Variants in FAP observed in about 807,000 individuals in gnomAD.
FAP encodes fibroblast activation protein alpha, also known as prolyl endopeptidase FAP.
A neutral mutation model predicts 126.5 loss-of-function variants in FAP; 110 were observed. The observed-to-expected ratio is 0.87, with a 90% confidence interval of 0.74 to 1.02. The LOEUF (loss-of-function observed/expected upper bound fraction) is 1.02. Ranked by LOEUF, FAP falls within the 50% of genes least tolerant of loss-of-function variation. The pLI is 0.00. For missense variants in FAP, 919 were observed against 909.2 expected, an observed-to-expected ratio of 1.01 and a Z score of -0.14; for synonymous variants, 334 against 297.3, an observed-to-expected ratio of 1.12 and a Z score of -1.27.
intron 2 of FAP, among the ~76,000 whole-genome samples, chr2:162,241,460 G>A (rs3788967): frequency 0.051 from 7,749 of 152,148 alleles, 550 homozygotes; most frequent in Admixed American, 0.22. Context: ...AGAAATTATA[G>A]CTTGAATTCC....
chr2:162,195,467 C>G (rs900132503), intron 16 of FAP, among the ~76,000 whole-genome samples: 58 of 151,914 alleles, frequency 3.8e-4, no homozygotes, highest in South Asian at 1.9e-3. Context: ...GCTTTACCCC[C>G]CTAGCATTGG....
Position 162,189,701 on chromosome 2 carries a change from G to C in FAP, c.1504C>G (p.Gln502Glu), listed in dbSNP as rs762712988. The change falls in exon 18 of 26, where the codon CAG (glutamine) becomes GAG (glutamate). Residue 502 changes from glutamine (Q) to glutamate (E), a missense_variant. Transcript: ENST00000188790. ...TTCTTAATTTCCTCTTTAGGCAGCT[G>C]GATATTTTTCAAAGCATTTTCCAAT... ...KELENALKNIQLPKEEIKKLE... is the reference protein window; with the variant it reads ...KELENALKNIELPKEEIKKLE... 1.3e-6 allele frequency: 2 copies of C among 1,592,090 alleles called. No homozygotes were observed. Among genetic ancestry groups the C allele is most frequent in the Admixed American group, 1.7e-5 (1 of 58,124 alleles).
rs1559790899 is a variant in FAP, at chr2:162,225,585, C to A, written c.191-8G>T. 3.8e-6 allele frequency: 6 copies of A among 1,576,886 alleles called. No individual in the cohort carries two copies. Among genetic ancestry groups the A allele is most frequent in the Non-Finnish European group, 4.3e-6 (5 of 1,164,336 alleles). ...GATGAAGATATTCTTGTCCTTTAAA[C>A]AAGAAAGAAAACAAAATGTAAATGA... is the stretch of plus-strand genomic sequence containing the variant. On this transcript the variant is annotated splice_region_variant and splice_polypyrimidine_tract_variant and intron_variant, in intron 3 of 25. Coordinates refer to ENST00000188790, the MANE Select transcript of FAP (RefSeq NM_004460.5).
chr2:162,242,770 G>A (rs1690403065), intron 2 of FAP, 138 bp downstream of exon 2: 3 of 650,506 alleles, frequency 4.6e-6, no homozygotes, highest in Admixed American at 5.5e-5. Context: ...ATATCTGTGA[G>A]CTTATATGTC....
At chr2:162,197,597 T>A (rs1688302457) in intron 16 of FAP, 1 of 456,526 alleles carries the variant, frequency 2.2e-6, no homozygotes, top group Non-Finnish European at 4.4e-6. Flanking sequence ...AAGGGAGAAT[T>A]TGGGTTAAAA....
rs769699562 is a variant in FAP, at chr2:162,198,803, T to C, written c.1356A>G (p.Thr452=). ...HLRKERCQYY[T]ASFSDYAKYY... is the part of the protein sequence containing the mutation. ...ACTTGGCGTAGTCGCTGAAACTTGC[T>C]GTGTAATATTGGCACCTTTCTTTCC... The change falls in exon 16 of 26, where the codon ACA becomes ACG. Residue 452 remains threonine (T), a synonymous_variant. Coordinates refer to ENST00000188790, the MANE Select transcript of FAP (RefSeq NM_004460.5). 8.7e-6 allele frequency: 14 copies of C among 1,614,160 alleles called. No individual in the cohort carries two copies. The Admixed American group carries it at 2.3e-4, about 27-fold the overall frequency.
chr2:162,196,906 G>A (rs1688275760), intron 16 of FAP, among the ~76,000 whole-genome samples: 1 of 152,144 alleles, frequency 6.6e-6, no homozygotes, highest in Admixed American at 6.6e-5. Context: ...AGTGAGTGGT[G>A]GAAAAGTCAG....
At chr2:162,235,138 C>A (rs986813859) in intron 2 of FAP, among the ~76,000 whole-genome samples, 1 of 151,800 alleles carries the variant, frequency 6.6e-6, no homozygotes, top group Non-Finnish European at 1.5e-5. Context: ...CCCCCCACTC[C>A]CCCAGTCCCC....
chr2:162,228,769 A>C (rs756620307), intron 2 of FAP, among the ~76,000 whole-genome samples: 2 of 152,210 alleles, frequency 1.3e-5, no homozygotes, highest in Non-Finnish European at 1.5e-5. Flanking sequence ...AGTGAATAAA[A>C]GACCATTTAC....
intron 1 of FAP, 51 bp downstream of exon 1, chr2:162,243,271 A>T (rs765668497): frequency 7.2e-7 from 1 of 1,380,894 alleles, no homozygotes; most frequent in East Asian, 2.3e-5. Context: ...GATCACGTTC[A>T]ATCCAGCCAA....
At chr2:162,226,487 A>G (rs781510562) in intron 3 of FAP, 36 bp downstream of exon 3, 47 of 1,148,802 alleles carry the variant, frequency 4.1e-5, no homozygotes, top group Non-Finnish European at 5.1e-5. Context: ...AACAAAATAC[A>G]TAAAAAAAAC....
intron 21 of FAP, among the ~76,000 whole-genome samples, chr2:162,179,806 ATATATATTTT>A (rs1687628309): frequency 7.9e-5 from 11 of 138,852 alleles, no homozygotes; most frequent in African/African-American, 3.0e-4. Flanking sequence ...ATATATATAT[ATATATATTTT>A]TTTTTTTTTT....
intron 17 of FAP, 47 bp from the exon 18 acceptor site, chr2:162,189,801 A>T: frequency 1.7e-6 from 2 of 1,156,410 alleles, no homozygotes; most frequent in Non-Finnish European, 2.5e-6. Flanking sequence ...ATTTCCATAA[A>T]CAATTTTTTT....
chr2:162,222,278 C>T (rs1314084520), intron 6 of FAP, among the ~76,000 whole-genome samples: 4 of 152,062 alleles, frequency 2.6e-5, no homozygotes, highest in African/African-American at 9.7e-5. Flanking sequence ...AGCTGGTGCC[C>T]CAAGCTCATT....
intron 21 of FAP, chr2:162,176,087 AGATCAGGATAGATC>A (rs1687474483): frequency 2.0e-5 from 3 of 152,148 alleles, no homozygotes; most frequent in Non-Finnish European, 4.4e-5. Flanking sequence ...CACTTCCCTC[AGATCAGGATAGATC>A]ATATCATCTT....
At chr2:162,221,913 GCCAT>G (rs1559788183) in intron 6 of FAP, among the ~76,000 whole-genome samples, 1 of 151,956 alleles carries the variant, frequency 6.6e-6, no homozygotes, top group Non-Finnish European at 1.5e-5. Context: ...AAACAAGTTT[GCCAT>G]CCATCCTTCA....
intron 20 of FAP, 142 bp from the exon 21 acceptor site, chr2:162,183,610 T>C: frequency 1.7e-6 from 1 of 605,116 alleles, no homozygotes; most frequent in Non-Finnish European, 3.0e-6. Flanking sequence ...AGCCTGCATT[T>C]ACAAATAATT....
chr2:162,210,751 G>A (rs923186268), intron 11 of FAP, among the ~76,000 whole-genome samples: 17 of 152,104 alleles, frequency 1.1e-4, no homozygotes, highest in African/African-American at 3.4e-4. Flanking sequence ...TACTAGAAGT[G>A]GGTAAGAGGG....
Position 162,188,156 on chromosome 2 carries a change from A to G in FAP, c.1814+13T>C. The G allele has an allele frequency of 6.2e-7, 1 of 1,605,608 alleles. No homozygotes were observed. The highest frequency in any genetic ancestry group is 8.5e-7 in the Non-Finnish European group (1 of 1,173,254). The stretch of plus-strand genomic sequence containing the variant: ...TTGCATGTTGACATCTGCTTGAATG[A>G]GAAGGTGCTCACCTGACAGCTGTAA... On this transcript the variant is annotated intron_variant, in intron 20 of 25. Transcript: ENST00000188790.
Sources: allele counts gnomAD v4.1 joint callset (sites outside exome capture counted in the v4.1 genomes callset), GRCh38; gene constraint gnomAD v4.1.1; transcripts MANE v1.5; gene names NCBI Gene and HGNC (gene_info 2026-07-23, HGNC 2026-07-21).